Variants in CA10 observed in about 807,000 individuals in gnomAD.
The protein encoded by CA10 is carbonic anhydrase-related protein 10.
A neutral mutation model predicts 44.2 loss-of-function variants in CA10; 14 were observed. The observed-to-expected ratio is 0.32, with a 90% CI of 0.21 to 0.50. The LOEUF is 0.50. Among genes scored for constraint, CA10 ranks in the 20% least tolerant of loss-of-function variants. The pLI is 0.99. For synonymous variants in CA10, 159 were observed against 141.6 expected (o/e 1.12, Z -0.87); for missense variants, 350 against 409.7 (o/e 0.85, Z 1.26).
chr17:52,021,561 G>T (rs547280110), intron 2 of CA10, among the ~76,000 whole-genome samples: 1 of 152,010 alleles, frequency 6.6e-6, no homozygotes, highest in African/African-American at 2.4e-5. Context: ...TAGTAATGTT[G>T]TATGTCTTCT....
At chr17:51,765,737 A>ATGTGTGTGTG (rs1555597234) in intron 3 of CA10, among the ~76,000 whole-genome samples, 2 of 94,658 alleles carry the variant, frequency 2.1e-5, no homozygotes, top group East Asian at 4.2e-4. Context: ...GTGTGTGTGC[A>ATGTGTGTGTG]TGCATGTGTT....
chr17:51,971,004 G>A (rs938245609), intron 2 of CA10, among the ~76,000 whole-genome samples: 13 of 152,060 alleles, frequency 8.5e-5, no homozygotes, highest in African/African-American at 2.9e-4. Context: ...GGTACTATTT[G>A]GTAATTGGTG....
rs1377591295 is a variant in CA10, at chr17:51,869,589, A to AT, written c.279+61400dup. On this transcript the variant is annotated intron_variant, in intron 3 of 8. Transcript: ENST00000451037. ...AGGTTTCAGAACCCTGGACAGAGCCATTTTGACTCAGAATGAGGCACGGAG... is the reference window on the plus strand; with the variant it reads ...AGGTTTCAGAACCCTGGACAGAGCCATTTTTGACTCAGAATGAGGCACGGAG... Among the ~76,000 whole-genome samples the AT allele has an allele frequency of 3.9e-5, 6 of 152,288 alleles. No individual in the cohort carries two copies. The East Asian group carries it at 9.7e-4, about 25-fold the overall frequency.
rs563416094 is a variant in CA10 at position 51,851,530 on chromosome 17, G to C, written c.279+79460C>G. ...ATGTAAAGCATTTGGAAGGCATGTA[G>C]CAGGTGAATGAGAAATATTTTATTG... is the stretch of plus-strand genomic sequence containing the variant. On this transcript the variant is annotated intron_variant, in intron 3 of 8. Transcript: ENST00000451037. Among the ~76,000 whole-genome samples the C allele has an allele frequency of 1.8e-4, 28 of 152,332 alleles. 1 individual carries two copies. The South Asian group carries it at 5.8e-3, about 32-fold the overall frequency.
At chr17:51,764,045 CAAATAAAATA>C (rs146280810) in intron 3 of CA10, among the ~76,000 whole-genome samples, 12 of 149,796 alleles carry the variant, frequency 8.0e-5, no homozygotes, top group Non-Finnish European at 1.3e-4. Context: ...AAAAACTCTA[CAAATAAAATA>C]AAATAAAATA....
intron 4 of CA10, among the ~76,000 whole-genome samples, chr17:51,698,018 C>T (rs535067439): frequency 7.9e-5 from 12 of 152,302 alleles, no homozygotes; most frequent in Admixed American, 6.5e-4. Context: ...TAGCTCTGGA[C>T]TTGTGGTGGC....
intron 1 of CA10, among the ~76,000 whole-genome samples, chr17:52,113,292 G>T (rs573108716): frequency 4.1e-4 from 63 of 152,242 alleles, no homozygotes; most frequent in African/African-American, 1.5e-3. Context: ...ACCTTTTTGA[G>T]AAATACAGAT....
At chr17:52,108,739 A>G (rs1042533483) in intron 1 of CA10, among the ~76,000 whole-genome samples, 24 of 149,812 alleles carry the variant, frequency 1.6e-4, no homozygotes, top group Admixed American at 1.1e-3. Flanking sequence ...GAATGATGCA[A>G]TGAGATTTGA....
chr17:52,010,610 G>A (rs1985757364), intron 2 of CA10, among the ~76,000 whole-genome samples: 1 of 151,808 alleles, frequency 6.6e-6, no homozygotes, highest in Admixed American at 6.6e-5. Flanking sequence ...TTGGACTTTG[G>A]GGACTGGGGG....
intron 1 of CA10, among the ~76,000 whole-genome samples, chr17:52,082,138 T>C (rs1365411017): frequency 6.6e-6 from 1 of 152,208 alleles, no homozygotes; most frequent in Admixed American, 6.5e-5. Context: ...TGGCACAGTG[T>C]TTGACAAATA....
At chr17:52,064,363 C>G (rs1987475379) in intron 2 of CA10, among the ~76,000 whole-genome samples, 1 of 152,168 alleles carries the variant, frequency 6.6e-6, no homozygotes, top group African/African-American at 2.4e-5. Context: ...TTTTAAACTA[C>G]TAAATAAATG....
At chr17:51,859,516 A>G (rs577396683) in intron 3 of CA10, among the ~76,000 whole-genome samples, 9 of 152,258 alleles carry the variant, frequency 5.9e-5, no homozygotes, top group African/African-American at 1.2e-4. Flanking sequence ...ATACCCAGTC[A>G]CACAGTGAGG....
chr17:51,767,675 A>G (rs1346300076), intron 3 of CA10, among the ~76,000 whole-genome samples: 1 of 151,942 alleles, frequency 6.6e-6, no homozygotes, highest in Non-Finnish European at 1.5e-5. Flanking sequence ...GTAACATATA[A>G]TGAAACAATT....
At chr17:51,875,561 C>G (rs1163211663) in intron 3 of CA10, among the ~76,000 whole-genome samples, 1 of 152,174 alleles carries the variant, frequency 6.6e-6, no homozygotes, top group Non-Finnish European at 1.5e-5. Context: ...AATCTGGGTT[C>G]TATTCTTTAT....
At chr17:51,794,547 T>C (rs747636196) in intron 3 of CA10, among the ~76,000 whole-genome samples, 9 of 152,150 alleles carry the variant, frequency 5.9e-5, no homozygotes, top group Non-Finnish European at 1.0e-4. Context: ...AATTTAATCA[T>C]ATGATATTTA....
chr17:52,150,062 T>C (rs1382815702), intron 1 of CA10, among the ~76,000 whole-genome samples: 1 of 152,220 alleles, frequency 6.6e-6, no homozygotes, highest in East Asian at 1.9e-4. Flanking sequence ...CACTCTTTAG[T>C]TGTGACTATG....
chr17:52,007,883 T>G (rs1985655660), intron 2 of CA10, among the ~76,000 whole-genome samples: 1 of 151,576 alleles, frequency 6.6e-6, no homozygotes, highest in African/African-American at 2.4e-5. Flanking sequence ...AGCTACTGGT[T>G]CGTTTTGGTT....
At chr17:52,133,907 G>A (rs1989295150) in intron 1 of CA10, among the ~76,000 whole-genome samples, 1 of 152,162 alleles carries the variant, frequency 6.6e-6, no homozygotes, top group African/African-American at 2.4e-5. Context: ...ACCAAGGAGG[G>A]AAGATGCTTT....
At chr17:51,869,044 T>C (rs1232366168) in intron 3 of CA10, among the ~76,000 whole-genome samples, 1 of 152,068 alleles carries the variant, frequency 6.6e-6, no homozygotes, top group African/African-American at 2.4e-5. Context: ...TCTAAAGCCG[T>C]TCAAAATATA....
Sources: allele counts gnomAD v4.1 joint callset (sites outside exome capture counted in the v4.1 genomes callset), GRCh38; gene constraint gnomAD v4.1.1; transcripts MANE v1.5; gene names NCBI Gene and HGNC (gene_info 2026-07-23, HGNC 2026-07-21).